Variants in NALF1 observed in about 807,000 individuals in gnomAD.
NALF1 encodes the protein NALCN channel auxiliary factor 1.
A neutral mutation model predicts 48.4 loss-of-function variants in NALF1; 3 were observed. The ratio of observed to expected loss-of-function variants is 0.06; its 90% CI spans 0.03 to 0.16. The LOEUF is 0.16. Ranked by LOEUF, NALF1 falls within the 10% of genes least tolerant of loss-of-function variation. The pLI, the probability that NALF1 is intolerant of heterozygous loss-of-function variation, is 1.00. For synonymous variants in NALF1, 262 were observed against 245.7 expected (o/e 1.07, Z -0.62); for missense variants, 526 against 571.5 (o/e 0.92, Z 0.81).
chr13:107,299,472 AAATAAAT>A (rs1881796072), intron 1 of NALF1, among the ~76,000 whole-genome samples: 5 of 30,064 alleles, frequency 1.7e-4, no homozygotes, highest in Admixed American at 8.1e-4. Flanking sequence ...TAATAATAAT[AAATAAAT>A]AAATAAATAA....
chr13:107,715,765 C>A (rs1216454189), intron 1 of NALF1, among the ~76,000 whole-genome samples: 1 of 152,150 alleles, frequency 6.6e-6, no homozygotes, highest in Admixed American at 6.5e-5. Context: ...TTACACTTGC[C>A]AATGTGTTCA....
intron 1 of NALF1, among the ~76,000 whole-genome samples, chr13:107,216,901 C>A (rs1351111166): frequency 2.0e-5 from 3 of 152,174 alleles, no homozygotes. Flanking sequence ...AGCAGATCAA[C>A]TCGGCTGTGC....
At chr13:107,306,631 A>G (rs1881941785) in intron 1 of NALF1, among the ~76,000 whole-genome samples, 1 of 152,110 alleles carries the variant, frequency 6.6e-6, no homozygotes, top group Admixed American at 6.6e-5. Flanking sequence ...GTTACCTGAT[A>G]TTTTTACCAT....
chr13:107,644,303 C>T (rs1880245139), intron 1 of NALF1, among the ~76,000 whole-genome samples: 1 of 151,846 alleles, frequency 6.6e-6, no homozygotes, highest in Non-Finnish European at 1.5e-5. Flanking sequence ...GTGATAGCTT[C>T]TGTTGACACA....
In NALF1 at chr13:107,210,515, C is replaced by A. The variant is rs1175918248; in HGVS notation, c.1087+69G>T. 2.0e-5 allele frequency: 22 copies of A among 1,117,180 alleles called. 1 individual carries two copies. The highest frequency in any genetic ancestry group is 1.7e-4 in the South Asian group (13 of 75,646). 69.2% of individuals were successfully genotyped at this position (1,117,180 alleles called of 1,614,324 possible). ...ATATCAGTGAAAGGAAACAGCAAAG[C>A]AAACAAACATCACACAAGAAAGCAA... On this transcript the variant is annotated intron_variant, in intron 2 of 2. Coordinates refer to ENST00000375915, the MANE Select transcript of NALF1 (RefSeq NM_001080396.3).
In NALF1 at chr13:107,553,987, T is replaced by C. The variant is rs536751349; in HGVS notation, c.915+311695A>G. Among the ~76,000 whole-genome samples, 546 of 152,292 alleles carry C rather than the reference T, an allele frequency of 3.6e-3. 5 individuals are homozygous for C. Among genetic ancestry groups the C allele is most frequent in the African/African-American group, 0.012 (508 of 41,548 alleles). ...AGAGTCATCAGTCAGATTCTCACTG[T>C]CCCCGCTTACTTCATGGCTACATGC... On this transcript the variant is annotated intron_variant, in intron 1 of 2. Coordinates refer to ENST00000375915, the MANE Select transcript of NALF1 (RefSeq NM_001080396.3).
intron 1 of NALF1, among the ~76,000 whole-genome samples, chr13:107,724,737 G>GT (rs374717649): frequency 6.6e-6 from 1 of 151,942 alleles, no homozygotes; most frequent in South Asian, 2.1e-4. Context: ...AATTTTTGTG[G>GT]TTTTTTTGTT....
intron 1 of NALF1, among the ~76,000 whole-genome samples, chr13:107,295,365 T>C (rs1881705808): frequency 6.6e-6 from 1 of 152,234 alleles, no homozygotes; most frequent in African/African-American, 2.4e-5. Flanking sequence ...GTACATATAA[T>C]ACATTTGCTT....
intron 1 of NALF1, among the ~76,000 whole-genome samples, chr13:107,555,296 A>T (rs1594126631): frequency 6.6e-6 from 1 of 151,592 alleles, no homozygotes; most frequent in South Asian, 2.1e-4. Context: ...TTTTGAGACA[A>T]AGTTTCATTC....
intron 1 of NALF1, among the ~76,000 whole-genome samples, chr13:107,497,277 A>G (rs896812680): frequency 6.6e-6 from 1 of 152,178 alleles, no homozygotes; most frequent in Admixed American, 6.6e-5. Context: ...CTTAATTACT[A>G]TTAACCGACA....
intron 1 of NALF1, among the ~76,000 whole-genome samples, chr13:107,718,677 T>G (rs1016357269): frequency 2.6e-5 from 4 of 152,206 alleles, no homozygotes. Flanking sequence ...GCCAGTGTGA[T>G]GTAGATCCAA....
At chr13:107,393,543 G>T (rs1204474754) in intron 1 of NALF1, among the ~76,000 whole-genome samples, 1 of 152,154 alleles carries the variant, frequency 6.6e-6, no homozygotes, top group Non-Finnish European at 1.5e-5. Context: ...TGGGGAAGGA[G>T]ATGTTATTTA....
chr13:107,763,115 A>G (rs189072252), intron 1 of NALF1, among the ~76,000 whole-genome samples: 59 of 152,194 alleles, frequency 3.9e-4, no homozygotes, highest in African/African-American at 1.2e-3. Flanking sequence ...TCTGGCATTA[A>G]ACAAACTTTT....
chr13:107,267,845 A>G (rs1881073096), intron 1 of NALF1, among the ~76,000 whole-genome samples: 1 of 152,168 alleles, frequency 6.6e-6, no homozygotes, highest in African/African-American at 2.4e-5. Flanking sequence ...CTAAGCGACT[A>G]ACAGGCTGGT....
Position 107,233,781 on chromosome 13 carries a change from A to T in NALF1, c.916-23026T>A, listed in dbSNP as rs1222210498. On this transcript the variant is annotated intron_variant, in intron 1 of 2. Coordinates refer to ENST00000375915, the MANE Select transcript of NALF1 (RefSeq NM_001080396.3). The stretch of plus-strand genomic sequence containing the variant: ...GCCTGAACAACTACATTTACCACAC[A>T]ATGCCACAGCGAGAGCGTGAGGGAG... Among the ~76,000 whole-genome samples, 3 of 152,340 alleles carry T rather than the reference A, an allele frequency of 2.0e-5. No homozygotes were observed. The East Asian group carries it at 5.8e-4, about 29-fold the overall frequency.
chr13:107,459,991 C>T (rs1404136307), intron 1 of NALF1, among the ~76,000 whole-genome samples: 1 of 152,226 alleles, frequency 6.6e-6, no homozygotes, highest in Non-Finnish European at 1.5e-5. Flanking sequence ...AGACGCCATC[C>T]TTGGCCTTCC....
intron 2 of NALF1, among the ~76,000 whole-genome samples, chr13:107,196,234 A>T (rs1227870357): frequency 6.6e-6 from 1 of 152,176 alleles, no homozygotes; most frequent in Non-Finnish European, 1.5e-5. Flanking sequence ...AATAATCTGT[A>T]CAAGAAACCC....
rs531134027 is a variant in NALF1, at chr13:107,644,004, T to C, written c.915+221678A>G. On this transcript the variant is annotated intron_variant, in intron 1 of 2. Coordinates refer to ENST00000375915, the MANE Select transcript of NALF1 (RefSeq NM_001080396.3). The stretch of plus-strand genomic sequence containing the variant: ...TGCCAAAATTTTTTATTTGAGCACA[T>C]GCAAATTTCTGAAGAATTACAAATG... Among the ~76,000 whole-genome samples, 6 of 151,216 alleles carry C rather than the reference T, an allele frequency of 4.0e-5. No homozygotes were observed. The South Asian group carries it at 1.3e-3, about 32-fold the overall frequency.
At position 107,865,661 on chromosome 13, in the gene NALF1, GA is replaced by G; in HGVS notation, c.915+20del. The stretch of plus-strand genomic sequence containing the variant: ...GAGATAGGAAAGTGCAGGAAAGGGG[GA>G]AACCCCCGAGGGTTCCTACCTTACA... On this transcript the variant is annotated intron_variant, in intron 1 of 2. Coordinates refer to ENST00000375915, the MANE Select transcript of NALF1 (RefSeq NM_001080396.3). The G allele has an allele frequency of 6.2e-7, 1 of 1,603,888 alleles. No homozygotes were observed. Among genetic ancestry groups the G allele is most frequent in the Non-Finnish European group, 8.5e-7 (1 of 1,173,182 alleles).
Sources: gnomAD v4.1 joint callset for allele counts (sites outside exome capture counted in the v4.1 genomes callset) on GRCh38, gnomAD v4.1.1 for gene constraint, MANE v1.5 for transcripts, NCBI Gene and HGNC (gene_info 2026-07-23, HGNC 2026-07-21) for gene names.